The following ETV6 variants were observed in gnomAD, a reference collection of about 807,000 sequenced individuals.
The protein encoded by ETV6 is transcription factor ETV6.
ETV6 carries 16 observed loss-of-function variants against 51.1 expected under a neutral mutation model. That is an observed-to-expected ratio of 0.31 (90% CI 0.21 to 0.48). ETV6 has a LOEUF of 0.48. ETV6 is among the 20% of genes least tolerant of loss of function. The pLI is 0.99. For missense variants in ETV6, 458 were observed against 594.8 expected (o/e 0.77, Z 2.39); for synonymous variants, 240 against 224.1 (o/e 1.07, Z -0.64).
chr12:11,749,435 C>A (rs1387607973), intron 1 of ETV6, among the ~76,000 whole-genome samples: 2 of 152,102 alleles, frequency 1.3e-5, no homozygotes, highest in Non-Finnish European at 2.9e-5. Flanking sequence ...GGACTCTCAC[C>A]ACCACCCCCT....
At chr12:11,693,458 C>T (rs1864809883) in intron 1 of ETV6, among the ~76,000 whole-genome samples, 1 of 152,188 alleles carries the variant, frequency 6.6e-6, no homozygotes, top group Non-Finnish European at 1.5e-5. Flanking sequence ...CACTCTTTCC[C>T]TTGGTGGCAT....
intron 5 of ETV6, among the ~76,000 whole-genome samples, chr12:11,872,494 CTTTT>C (rs10528272): frequency 7.0e-6 from 1 of 142,652 alleles, no homozygotes. Context: ...AATTATATTA[CTTTT>C]TTTTTTTTTT....
At chr12:11,836,764 C>G (rs1312838608) in intron 2 of ETV6, among the ~76,000 whole-genome samples, 1 of 152,126 alleles carries the variant, frequency 6.6e-6, no homozygotes, top group African/African-American at 2.4e-5. Context: ...CTCAATTCCC[C>G]TCCCAAGCAG....
chr12:11,671,883 A>G (rs1864323543), intron 1 of ETV6, among the ~76,000 whole-genome samples: 1 of 152,088 alleles, frequency 6.6e-6, no homozygotes, highest in South Asian at 2.1e-4. Flanking sequence ...GAAAAACTCA[A>G]CCAGGTGAAC....
chr12:11,739,645 G>A (rs746377397), intron 1 of ETV6, among the ~76,000 whole-genome samples: 1 of 152,140 alleles, frequency 6.6e-6, no homozygotes, highest in East Asian at 1.9e-4. Context: ...ACCAGATTTC[G>A]AAGACTTAGT....
chr12:11,723,707 C>T (rs1487378089), intron 1 of ETV6, among the ~76,000 whole-genome samples: 3 of 152,026 alleles, frequency 2.0e-5, no homozygotes, highest in Non-Finnish European at 4.4e-5. Context: ...CCTGGCCTCT[C>T]CTTGACCAAC....
chr12:11,823,297 A>T (rs1010023480), intron 2 of ETV6, among the ~76,000 whole-genome samples: 1 of 152,158 alleles, frequency 6.6e-6, no homozygotes, highest in Non-Finnish European at 1.5e-5. Flanking sequence ...ACCACGATCT[A>T]GGATTGCTAA....
chr12:11,683,997 T>G (rs1316808543), intron 1 of ETV6, among the ~76,000 whole-genome samples: 2 of 152,204 alleles, frequency 1.3e-5, no homozygotes, highest in Non-Finnish European at 2.9e-5. Context: ...ATAAAATTAA[T>G]TGACAATTAA....
chr12:11,823,515 G>C (rs1412229058), intron 2 of ETV6, among the ~76,000 whole-genome samples: 1 of 148,168 alleles, frequency 6.7e-6, no homozygotes, highest in Non-Finnish European at 1.5e-5. Flanking sequence ...CTCCCAGGCT[G>C]GAGTGCGGTG....
chr12:11,791,397 C>T (rs1048379433), intron 2 of ETV6, among the ~76,000 whole-genome samples: 16 of 152,190 alleles, frequency 1.1e-4, no homozygotes, highest in Non-Finnish European at 2.2e-4. Flanking sequence ...GTCCAAAATA[C>T]GTGTTCATGT....
chr12:11,735,077 C>A (rs111540896), intron 1 of ETV6, among the ~76,000 whole-genome samples: 24 of 137,540 alleles, frequency 1.7e-4, no homozygotes, highest in Non-Finnish European at 3.4e-4. Flanking sequence ...GCAAAGGTGG[C>A]AAGGTGGCCT....
chr12:11,816,576 G>C (rs560356659), intron 2 of ETV6, among the ~76,000 whole-genome samples: 18 of 152,140 alleles, frequency 1.2e-4, no homozygotes, highest in African/African-American at 3.1e-4. Context: ...TCATTGCCTC[G>C]TTCTTGGTTC....
At chr12:11,879,331 A>T (rs1591744915) in intron 5 of ETV6, among the ~76,000 whole-genome samples, 1 of 152,226 alleles carries the variant, frequency 6.6e-6, no homozygotes, top group East Asian at 1.9e-4. Context: ...ATCATTAAAC[A>T]TTCCCTATGT....
chr12:11,721,014 C>T (rs370060265), intron 1 of ETV6, among the ~76,000 whole-genome samples: 2 of 152,058 alleles, frequency 1.3e-5, no homozygotes, highest in East Asian at 1.9e-4. Flanking sequence ...AAAGCCACGA[C>T]GAGATACTGT....
At chr12:11,765,443 T>C (rs188367044) in intron 2 of ETV6, among the ~76,000 whole-genome samples, 1 of 152,254 alleles carries the variant, frequency 6.6e-6, no homozygotes, top group Admixed American at 6.5e-5. Flanking sequence ...GGTCTCTGTA[T>C]TGTTTCCTTT....
chr12:11,803,317 G>A (rs17210769), intron 2 of ETV6, among the ~76,000 whole-genome samples: 2,073 of 152,240 alleles, frequency 0.014, 41 homozygotes, highest in East Asian at 0.092. Context: ...AAATTTGTCC[G>A]CTGAGAAGTC....
At chr12:11,676,489 C>A (rs1184950337) in intron 1 of ETV6, among the ~76,000 whole-genome samples, 1 of 152,216 alleles carries the variant, frequency 6.6e-6, no homozygotes, top group African/African-American at 2.4e-5. Flanking sequence ...CACACCAACT[C>A]CTTAGCATTC....
At chr12:11,882,812 G>T (rs1484073680) in intron 5 of ETV6, among the ~76,000 whole-genome samples, 1 of 152,194 alleles carries the variant, frequency 6.6e-6, no homozygotes, top group Non-Finnish European at 1.5e-5. Context: ...TCTCTGCAAT[G>T]CGGATGTGTT....
At chr12:11,762,837 C>T (rs1230934950) in intron 2 of ETV6, among the ~76,000 whole-genome samples, 2 of 152,168 alleles carry the variant, frequency 1.3e-5, no homozygotes, top group Admixed American at 6.5e-5. Flanking sequence ...AGCAGTGATT[C>T]GTGACCAAAG....
Sources: gnomAD v4.1 joint callset for allele counts (sites outside exome capture counted in the v4.1 genomes callset) on GRCh38, gnomAD v4.1.1 for gene constraint, MANE v1.5 for transcripts, NCBI Gene and HGNC (gene_info 2026-07-23, HGNC 2026-07-21) for gene names.